Variants in TJAP1 observed in about 807,000 individuals in gnomAD.
TJAP1 encodes the protein tight junction associated protein 1.
Under a neutral mutation model 42.0 loss-of-function variants are expected in TJAP1, and 27 were observed. That is an observed-to-expected ratio of 0.64 (90% CI 0.47 to 0.89). The LOEUF (loss-of-function observed/expected upper bound fraction) is 0.89. Among genes scored for constraint, TJAP1 ranks in the 40% least tolerant of loss-of-function variants. The pLI is 0.00. For missense variants in TJAP1, 712 were observed against 726.9 expected, an observed-to-expected ratio of 0.98 and a Z score of 0.24; for synonymous variants, 257 against 288.4, an observed-to-expected ratio of 0.89 and a Z score of 1.10.
At chr6:43,501,625 C>CCTGGAG (rs762739590) in exon 6 of TJAP1, 8 of 1,607,452 alleles carry the variant, frequency 5.0e-6, no homozygotes, top group Non-Finnish European at 6.0e-6. Context: ...GGCAGGACTG[C>CCTGGAG]CTGGAGCTGG....
Position 43,505,785 on chromosome 6 carries a change from T to A in TJAP1, c.1604T>A (p.Met535Lys), listed in dbSNP as rs772040955. 6.6e-7 allele frequency: 1 copy of A among 1,507,852 alleles called. No homozygotes were observed. The highest frequency in any genetic ancestry group is 8.8e-7 in the Non-Finnish European group (1 of 1,132,114). 93.4% of individuals were successfully genotyped at this position (1,507,852 alleles called of 1,614,324 possible). ...CGCCCCCAGCGCAGCCCCAAGAGGA[T>A]GGGGGTTCACCACCTGCACCGCAAG... is the stretch of plus-strand genomic sequence containing the variant. The change falls in exon 11 of 11, where the codon ATG becomes AAG. Residue 535 changes from methionine (M) to lysine (K), a missense_variant. Around this residue, in one of 3 missense-constraint regions of TJAP1, gnomAD observed 549 missense variants for 528.2 expected, o/e 1.04. Transcript: ENST00000372449. The surrounding 1 kb of genome is among the most constrained non-coding windows in gnomAD (Gnocchi z 5.5).
chr6:43,495,229 C>A lies in TJAP1; in HGVS notation c.-121-2652C>A, dbSNP rs112337018. Among the ~76,000 whole-genome samples, 5 of 152,366 alleles carry A rather than the reference C, an allele frequency of 3.3e-5. No homozygotes were observed. Among genetic ancestry groups the A allele is most frequent in the African/African-American group, 1.2e-4 (5 of 41,576 alleles). On this transcript the variant is annotated intron_variant, in intron 2 of 10. Transcript: ENST00000372449. The surrounding 1 kb of genome is among the most constrained non-coding windows in gnomAD (Gnocchi z 4.6). Reference sequence around the variant, plus strand: ...TTCTCCCAGCTTGCAGGCCAAGTGTCCCGATGCTTCTCTCTTTGTTATCCA... The same window carrying A: ...TTCTCCCAGCTTGCAGGCCAAGTGTACCGATGCTTCTCTCTTTGTTATCCA...
chr6:43,501,092 T>C, intron 5 of TJAP1: 1 of 438,400 alleles, frequency 2.3e-6, no homozygotes, highest in Non-Finnish European at 4.1e-6. Context: ...TTTAGCCACA[T>C]GAGGCCTCTG....
intron 10 of TJAP1, chr6:43,504,005 A>C (rs1422472466): frequency 3.3e-6 from 2 of 605,778 alleles, no homozygotes; most frequent in Non-Finnish European, 3.2e-6. Context: ...GAGTACTAAG[A>C]GAGGATTAGG....
intron 5 of TJAP1, chr6:43,501,145 A>C: frequency 2.7e-6 from 1 of 374,806 alleles, no homozygotes; most frequent in East Asian, 5.2e-5. Flanking sequence ...GAGATGAATA[A>C]TGGAGAAGCC....
intron 2 of TJAP1, among the ~76,000 whole-genome samples, chr6:43,494,852 C>T (rs901299331): frequency 6.6e-6 from 1 of 152,162 alleles, no homozygotes; most frequent in African/African-American, 2.4e-5. Context: ...GGATTACAGG[C>T]GTGAGCCACC....
intron 7 of TJAP1, 85 bp downstream of exon 7, chr6:43,502,434 G>A (rs1007374490): frequency 1.3e-6 from 2 of 1,532,736 alleles, no homozygotes; most frequent in East Asian, 4.7e-5. Flanking sequence ...ATGCCACTCT[G>A]CCCTGGGGCT....
chr6:43,491,042 G>A lies in TJAP1; in HGVS notation c.-121-6839G>A, dbSNP rs1306037643. Among the ~76,000 whole-genome samples, 3 of 152,190 alleles carry A rather than the reference G, an allele frequency of 2.0e-5. No homozygotes were observed. Among genetic ancestry groups the A allele is most frequent in the African/African-American group, 7.2e-5 (3 of 41,436 alleles). ...GGCTTCCGGAGGCAGTGTGGTGCTAGGGAGGCTGGACAGGGGGAGCTTGAG... is the reference window on the plus strand; with the variant it reads ...GGCTTCCGGAGGCAGTGTGGTGCTAAGGAGGCTGGACAGGGGGAGCTTGAG... On this transcript the variant is annotated intron_variant, in intron 2 of 10. Transcript: ENST00000372449. This position sits in a 1 kb window ranked among gnomAD's most constrained non-coding sequence, Gnocchi z 4.6.
Position 43,501,599 on chromosome 6 carries a change from C to CGT in TJAP1, c.204_205dup (p.Glu69ValfsTer80). The CGT allele has an allele frequency of 1.2e-6, 2 of 1,613,942 alleles. No individual in the cohort carries two copies. The highest frequency in any genetic ancestry group is 1.7e-6 in the Non-Finnish European group (2 of 1,179,920). On this transcript the variant is annotated frameshift_variant, in exon 6 of 11. Transcript: ENST00000372449. LOFTEE classifies it high-confidence loss of function. ...CACCAGACGCACTGAGGCCCTGGAA[C>CGT]GTGAGCTGGAAATTGGGCAGGACTG...
intron 7 of TJAP1, 117 bp from the exon 8 acceptor site, chr6:43,502,471 G>A: frequency 6.7e-7 from 1 of 1,484,486 alleles, no homozygotes; most frequent in South Asian, 1.2e-5. Context: ...ATGGGGCAGT[G>A]GTGGGGGTAC....
chr6:43,500,735 T>G lies in TJAP1; in HGVS notation c.100-9T>G. 6.2e-7 allele frequency: 1 copy of G among 1,614,114 alleles called. No individual in the cohort carries two copies. Among genetic ancestry groups the G allele is most frequent in the Non-Finnish European group, 8.5e-7 (1 of 1,180,000 alleles). On this transcript the variant is annotated splice_polypyrimidine_tract_variant and intron_variant, in intron 4 of 10. Coordinates refer to ENST00000372449, the Ensembl canonical transcript of TJAP1. ...AGAGCTGAGCCTCAAGCCTCTCTTT[T>G]TTGCCTAGGAACCCCTGACTGATGC...
At position 43,505,192 on chromosome 6, in the gene TJAP1, T is replaced by C; in HGVS notation, c.1011T>C (p.Asp337=). The C allele has an allele frequency of 6.2e-7, 1 of 1,614,162 alleles. No homozygotes were observed. The highest frequency in any genetic ancestry group is 8.5e-7 in the Non-Finnish European group (1 of 1,180,020). ...GCAGGGTAATAGAGTTCTCTGAGGA[T>C]AAGGTTCGGATCCCCCGCAACAGCC... The change falls in exon 11 of 11, where the codon GAT becomes GAC. Residue 337 remains aspartate (D), a synonymous_variant. Transcript: ENST00000372449. This position sits in a 1 kb window ranked among gnomAD's most constrained non-coding sequence, Gnocchi z 5.5.
At chr6:43,478,965 G>A (rs1784765606) in intron 2 of TJAP1, among the ~76,000 whole-genome samples, 1 of 152,184 alleles carries the variant, frequency 6.6e-6, no homozygotes, top group African/African-American at 2.4e-5. Flanking sequence ...CATGGAACTT[G>A]CTCTTTTCTT....
chr6:43,496,060 A>G (rs994778901), intron 2 of TJAP1, among the ~76,000 whole-genome samples: 11 of 152,220 alleles, frequency 7.2e-5, no homozygotes, highest in African/African-American at 2.4e-4. Flanking sequence ...GCAGAGAGAA[A>G]GGGCTTCCTG....
chr6:43,504,795 A>G, exon 11 of TJAP1: 3 of 1,614,094 alleles, frequency 1.9e-6, no homozygotes, highest in Non-Finnish European at 2.5e-6. Flanking sequence ...GTTCGGAAAC[A>G]TTTGCACAGT....
chr6:43,492,861 G>GCAC lies in TJAP1; in HGVS notation c.-121-5020_-121-5019insCAC, dbSNP rs1318190014. The stretch of plus-strand genomic sequence containing the variant: ...AGACTTGTGTGGCGGGAGTGTAGCT[G>GCAC]ACCCCCACTGGGGCACAGCTTCCCA... On this transcript the variant is annotated intron_variant, in intron 2 of 10. Coordinates refer to ENST00000372449, the Ensembl canonical transcript of TJAP1. This position sits in a 1 kb window ranked among gnomAD's most constrained non-coding sequence, Gnocchi z 4.2. 6.6e-6 allele frequency among the ~76,000 whole-genome samples: 1 copy of GCAC among 152,132 alleles called. No homozygotes were observed. Among genetic ancestry groups the GCAC allele is most frequent in the East Asian group, 1.9e-4 (1 of 5,200 alleles).
intron 4 of TJAP1, among the ~76,000 whole-genome samples, chr6:43,499,557 T>C: frequency 6.6e-6 from 1 of 152,224 alleles, no homozygotes; most frequent in East Asian, 1.9e-4. Flanking sequence ...CCTCCAGCTT[T>C]GCTTTGTTTG....
chr6:43,480,247 T>C (rs1354798164), intron 2 of TJAP1, among the ~76,000 whole-genome samples: 10 of 152,236 alleles, frequency 6.6e-5, no homozygotes, highest in Admixed American at 3.9e-4. Context: ...TTTATATAGA[T>C]AGCATCTGCA....
intron 8 of TJAP1, 199 bp downstream of exon 8, chr6:43,502,816 C>T (rs1246527973): frequency 3.0e-6 from 2 of 660,540 alleles, no homozygotes; most frequent in Non-Finnish European, 5.4e-6. Flanking sequence ...GCCCTTGGCT[C>T]TGGTAGAGGT....
Sources: gnomAD v4.1 joint callset for allele counts (sites outside exome capture counted in the v4.1 genomes callset) on GRCh38, gnomAD v4.1.1 for gene constraint, gnomAD v4.1.1 regional missense constraint, Gnocchi (gnomAD v3.1) non-coding constraint, MANE v1.5 for transcripts, NCBI Gene and HGNC (gene_info 2026-07-23, HGNC 2026-07-21) for gene names.